Variants in LAMA5 observed in about 807,000 individuals in gnomAD.
The protein encoded by LAMA5 is laminin subunit alpha-5.
A neutral mutation model predicts 433.4 loss-of-function variants in LAMA5; 260 were observed. That is an observed-to-expected ratio of 0.60 (90% confidence interval 0.54 to 0.66). The LOEUF (loss-of-function observed/expected upper bound fraction) is 0.66. Among genes scored for constraint, LAMA5 ranks in the 30% least tolerant of loss-of-function variants. The pLI is 0.00. For synonymous variants in LAMA5, 2,620 were observed against 2,226.6 expected (o/e 1.18, Z -4.97); for missense variants, 5,378 against 5,258.5 (o/e 1.02, Z -0.70).
chr20:62,325,255 G>A, intron 41 of LAMA5, 61 bp downstream of exon 41: 1 of 1,083,690 alleles, frequency 9.2e-7, no homozygotes, highest in Non-Finnish European at 1.3e-6. Context: ...CAGGGAGGAT[G>A]CTGGAGGGAA....
Position 62,315,426 on chromosome 20 carries a change from C to T in LAMA5, c.7868-219G>A, listed in dbSNP as rs192798663. Reference sequence around the variant, plus strand: ...GACAGGCACCCAGCCTCTCAGGCCACAGCTGGTCCCTGGACATGTGCCCCA... The same window carrying T: ...GACAGGCACCCAGCCTCTCAGGCCATAGCTGGTCCCTGGACATGTGCCCCA... On this transcript the variant is annotated intron_variant, in intron 58 of 79. Transcript: ENST00000252999. Among the ~76,000 whole-genome samples, 3 of 152,270 alleles carry T rather than the reference C, an allele frequency of 2.0e-5. No homozygotes were observed. The East Asian group carries it at 5.8e-4, about 29-fold the overall frequency.
chr20:62,328,398 T>C lies in LAMA5; in HGVS notation c.4495A>G (p.Ile1499Val), dbSNP rs912567522. 1.0e-5 allele frequency: 16 copies of C among 1,548,626 alleles called. No homozygotes were observed. In the Admixed American group the frequency reaches 1.8e-4, roughly 17 times the overall value. ...GGCGGGATGGTGCGTGGCGGGCAGA[T>C]GCACTGGCCCGTGAGCTCGTCACAG... ...RLCDELTGQC[I>V]CPPRTIPPDC... Residue 1499 changes from isoleucine (I) to valine (V), a missense_variant, in exon 35 of 80, where the codon ATC (isoleucine) becomes GTC (valine). Physicochemically the swap from Ile to Val is conservative, Grantham distance 29 (BLOSUM62 3). Coordinates refer to ENST00000252999, the MANE Select transcript of LAMA5 (RefSeq NM_005560.6).
In LAMA5 at chr20:62,333,998, A is replaced by G; in HGVS notation, c.2781T>C (p.Leu927=). 2 of 1,613,006 alleles carry G rather than the reference A, an allele frequency of 1.2e-6. No homozygotes were observed. Among genetic ancestry groups the G allele is most frequent in the Non-Finnish European group, 1.7e-6 (2 of 1,179,860 alleles). The change falls in exon 23 of 80, where the codon CTT becomes CTC. Residue 927 remains leucine, a synonymous_variant. Transcript: ENST00000252999. ...VARLNLTSPD[L]FWLVFRYVNR... The stretch of plus-strand genomic sequence containing the variant: ...TGACGTATCGGAAGACGAGCCAGAA[A>G]AGGTCAGGGGAGGTCAGGTTCAGCC...
chr20:62,315,199 T>C lies in LAMA5; in HGVS notation c.7876A>G (p.Ser2626Gly). 6.2e-7 allele frequency: 1 copy of C among 1,606,716 alleles called. No homozygotes were observed. Among genetic ancestry groups the C allele is most frequent in the Non-Finnish European group, 8.5e-7 (1 of 1,176,940 alleles). Residue 2626 changes from serine (S) to glycine (G), a missense_variant, in exon 59 of 80, where the codon AGC becomes GGC. Ser to Gly is a moderately conservative substitution (Grantham distance 56). Coordinates refer to ENST00000252999, the MANE Select transcript of LAMA5 (RefSeq NM_005560.6). ...GCCTTGGCATGTGCGATCTTCTTGC[T>C]TGTCTCGTCTGTGGTGGGCAGAGGG... The part of the protein sequence containing the change: ...AMLAMDTDET[S>G]KKIAHAKAVA...
Position 62,335,020 on chromosome 20 carries a change from C to T in LAMA5, c.2482+1G>A. 6.2e-7 allele frequency: 1 copy of T among 1,612,418 alleles called. No homozygotes were observed. The highest frequency in any genetic ancestry group is 8.5e-7 in the Non-Finnish European group (1 of 1,179,398). On this transcript the variant is annotated splice_donor_variant, in intron 20 of 79. Transcript: ENST00000252999. LOFTEE classifies it high-confidence loss of function. Reference sequence around the variant, plus strand: ...TCTGGGACGAGCGAGTGGGCACTCACTGCGGCAGCCAAAATAGTCAGCCTG... The same window carrying T: ...TCTGGGACGAGCGAGTGGGCACTCATTGCGGCAGCCAAAATAGTCAGCCTG...
chr20:62,345,798 G>C lies in LAMA5; in HGVS notation c.1477+20C>G, dbSNP rs759901114. 11 of 1,543,168 alleles carry C rather than the reference G, an allele frequency of 7.1e-6. No individual in the cohort carries two copies. In the East Asian group the frequency reaches 2.7e-4, roughly 38 times the overall value. On this transcript the variant is annotated intron_variant, in intron 11 of 79. Transcript: ENST00000252999. ...GGCTCCAGGGCAGGCCGGGGACCTG[G>C]GGGCCTCAAGGACACTTACTCACAA...
chr20:62,359,174 G>A lies in LAMA5; in HGVS notation c.450+3226C>T, dbSNP rs1457148620. Among the ~76,000 whole-genome samples, 1 of 152,152 alleles carries A rather than the reference G, an allele frequency of 6.6e-6. No individual in the cohort carries two copies. The highest frequency in any genetic ancestry group is 1.5e-5 in the Non-Finnish European group (1 of 68,014). ...AGCAGGGGCCTCCCTACCGGAAGGG[G>A]GCCCGTGCGTCCTCACTCCTCATCT... On this transcript the variant is annotated intron_variant, in intron 2 of 79. Transcript: ENST00000252999. The surrounding 1 kb of genome is among the most constrained non-coding windows in gnomAD (Gnocchi z 4.3).
intron 11 of LAMA5, 156 bp downstream of exon 11, chr20:62,345,662 G>A (rs138768263): frequency 1.5e-6 from 1 of 649,346 alleles, no homozygotes; most frequent in Non-Finnish European, 2.7e-6. Context: ...ATTTCCGAAG[G>A]TTTTCCAGTG....
Position 62,317,497 on chromosome 20 carries a change from C to T in LAMA5, c.7359G>A (p.Glu2453=). Reference sequence around the variant, plus strand: ...CCAGGCTGGCGGCGAGGCGCTCCAGCTCCTGGAATTTGAGTGGACTTAGCC... The same window carrying T: ...CCAGGCTGGCGGCGAGGCGCTCCAGTTCCTGGAATTTGAGTGGACTTAGCC... ...LLHSLDQAKE[E]LERLAASLDG... is the part of the protein sequence containing the mutation. The change falls in exon 55 of 80, where the codon GAG becomes GAA. Residue 2453 remains glutamate (E), a splice_region_variant and synonymous_variant. Coordinates refer to ENST00000252999, the MANE Select transcript of LAMA5 (RefSeq NM_005560.6). 6.5e-7 allele frequency: 1 copy of T among 1,540,844 alleles called. No homozygotes were observed. The highest frequency in any genetic ancestry group is 2.3e-5 in the East Asian group (1 of 43,172).
rs1978403417 is a variant in LAMA5, at chr20:62,322,365, G to T, written c.6250C>A (p.Gln2084Lys). 1 of 1,593,000 alleles carries T rather than the reference G, an allele frequency of 6.3e-7. No individual in the cohort carries two copies. The highest frequency in any genetic ancestry group is 1.3e-5 in the African/African-American group (1 of 74,570). Residue 2084 changes from glutamine to lysine, a missense_variant, in exon 47 of 80, where the codon CAG becomes AAG. Gln to Lys is a moderately conservative substitution (Grantham distance 53). Transcript: ENST00000252999. ...PAAEGSECHP[Q>K]SGQCHCRPGT... is the part of the protein sequence containing the mutation. Reference sequence around the variant, plus strand: ...GGTCGGCAGTGGCACTGTCCGCTCTGGGGGTGGCACTCGGAGCCCTCGGCG... The same window carrying T: ...GGTCGGCAGTGGCACTGTCCGCTCTTGGGGTGGCACTCGGAGCCCTCGGCG...
Position 62,311,497 on chromosome 20 carries a change from G to C in LAMA5, c.9846C>G (p.Asn3282Lys). Residue 3282 changes from asparagine (N) to lysine (K), a missense_variant, in exon 72 of 80, where the codon AAC becomes AAG. Physicochemically the swap from Asn to Lys is moderately conservative, Grantham distance 94. Coordinates refer to ENST00000252999, the MANE Select transcript of LAMA5 (RefSeq NM_005560.6). The stretch of plus-strand genomic sequence containing the variant: ...CCGTGCTCACATTGACGCTGCCCAG[G>C]TTCTGCTGCAGATCAAATACGCGCT... ...GPQRVFDLQQ[N>K]LGSVNVSTGC... 1.9e-6 allele frequency: 3 copies of C among 1,611,168 alleles called. No homozygotes were observed. The highest frequency in any genetic ancestry group is 2.5e-6 in the Non-Finnish European group (3 of 1,179,120).
In LAMA5 at chr20:62,312,245, A is replaced by C; in HGVS notation, c.9432T>G (p.Thr3144=). The change falls in exon 69 of 80, where the codon ACT becomes ACG. Residue 3144 remains threonine, a synonymous_variant. Coordinates refer to ENST00000252999, the MANE Select transcript of LAMA5 (RefSeq NM_005560.6). ...RLALSNVAPL[T]GNVYSGFGFH... ...AGCCGAAGCCGGAGTAGACGTTGCC[A>C]GTGAGCGGTGCCACGTTCGAGAGCG... 6.2e-7 allele frequency: 1 copy of C among 1,611,272 alleles called. No homozygotes were observed.
Position 62,311,661 on chromosome 20 carries a change from G to A in LAMA5, c.9759C>T (p.Gly3253=), listed in dbSNP as rs764734140. The A allele has an allele frequency of 6.3e-6, 10 of 1,597,678 alleles. No individual in the cohort carries two copies. In the South Asian group the frequency reaches 1.0e-4, roughly 16 times the overall value. ...TGCAGCCACTGAAGTTGTAAATGGTGCCAGACTCAGGCAGGCCTCCCAGGA... is the reference window on the plus strand; with the variant it reads ...TGCAGCCACTGAAGTTGTAAATGGTACCAGACTCAGGCAGGCCTCCCAGGA... ...RLLLGGLPES[G]TIYNFSGCIS... Residue 3253 remains glycine (G), a synonymous_variant, in exon 71 of 80, where the codon GGC becomes GGT. Transcript: ENST00000252999.
Position 62,312,384 on chromosome 20 carries a change from G to C in LAMA5, c.9360+16C>G. 1 of 1,599,098 alleles carries C rather than the reference G, an allele frequency of 6.3e-7. No homozygotes were observed. The highest frequency in any genetic ancestry group is 1.7e-5 in the Admixed American group (1 of 59,814). The stretch of plus-strand genomic sequence containing the variant: ...TGTCCACAGATGCCACCCCCAGCCC[G>C]GGGAGGGCTGCTCACCAGCAGGTCG... On this transcript the variant is annotated intron_variant, in intron 68 of 79. Coordinates refer to ENST00000252999, the MANE Select transcript of LAMA5 (RefSeq NM_005560.6).
Position 62,309,976 on chromosome 20 carries a change from G to A in LAMA5, c.10828+12C>T, listed in dbSNP as rs746002458. The A allele has an allele frequency of 1.2e-6, 2 of 1,609,352 alleles. No individual in the cohort carries two copies. Among genetic ancestry groups the A allele is most frequent in the Non-Finnish European group, 1.7e-6 (2 of 1,179,178 alleles). The stretch of plus-strand genomic sequence containing the variant: ...GGGTGGCAGAGTGCCCTGGCCACAG[G>A]AGGGGCCTCACCCGCTAGCCGGTGC... On this transcript the variant is annotated intron_variant, in intron 78 of 79. Coordinates refer to ENST00000252999, the MANE Select transcript of LAMA5 (RefSeq NM_005560.6).
At position 62,322,110 on chromosome 20, in the gene LAMA5, C is replaced by CG. The variant is rs1568919861; in HGVS notation, c.6404dup (p.Leu2137AlafsTer29). 9 of 1,602,446 alleles carry CG rather than the reference C, an allele frequency of 5.6e-6. No homozygotes were observed. Among genetic ancestry groups the CG allele is most frequent in the Non-Finnish European group, 5.9e-6 (7 of 1,178,784 alleles). On this transcript the variant is annotated frameshift_variant, in exon 48 of 80. Coordinates refer to ENST00000252999, the MANE Select transcript of LAMA5 (RefSeq NM_005560.6). LOFTEE classifies it high-confidence loss of function. ...TGTCGCAGCGCTCCCCGCTGAGCCC[C>CG]GGGGGGCAGTTGCAGCGGCCCGTGT...
At position 62,324,239 on chromosome 20, in the gene LAMA5, C is replaced by T; in HGVS notation, c.5644-35G>A. 1.9e-6 allele frequency: 3 copies of T among 1,575,168 alleles called. No individual in the cohort carries two copies. Among genetic ancestry groups the T allele is most frequent in the East Asian group, 2.2e-5 (1 of 44,662 alleles). ...AGTGGACAGTCAGAGCTATGGTGGA[C>T]ACCCACATCCTACTGCCGAGTCTGT... On this transcript the variant is annotated intron_variant, in intron 42 of 79. Coordinates refer to ENST00000252999, the MANE Select transcript of LAMA5 (RefSeq NM_005560.6). The surrounding 1 kb of genome is among the most constrained non-coding windows in gnomAD (Gnocchi z 4.4).
intron 50 of LAMA5, 70 bp from the exon 51 acceptor site, chr20:62,319,865 G>T: frequency 7.9e-7 from 1 of 1,264,936 alleles, no homozygotes; most frequent in Non-Finnish European, 1.1e-6. Context: ...GAGGGCCTGG[G>T]GTCTGGGGGA....
intron 31 of LAMA5, among the ~76,000 whole-genome samples, chr20:62,330,132 T>C (rs1980084293): frequency 6.6e-6 from 1 of 152,178 alleles, no homozygotes; most frequent in Admixed American, 6.5e-5. Flanking sequence ...CACCTCTAGG[T>C]ACCGGTCAAC....
Sources: gnomAD v4.1 joint callset for allele counts (sites outside exome capture counted in the v4.1 genomes callset) on GRCh38, gnomAD v4.1.1 for gene constraint, Gnocchi (gnomAD v3.1) non-coding constraint, MANE v1.5 for transcripts, NCBI Gene and HGNC (gene_info 2026-07-23, HGNC 2026-07-21) for gene names.